RFTN2: variants seen among roughly 807,000 people sequenced by gnomAD.
RFTN2 encodes the protein raftlin-2.
Under a neutral mutation model 52.7 loss-of-function variants are expected in RFTN2, and 34 were observed. The observed-to-expected ratio is 0.64, with a 90% CI of 0.49 to 0.86. The LOEUF (loss-of-function observed/expected upper bound fraction) is 0.86, where lower values mean the gene tolerates loss of function less well. Among genes scored for constraint, RFTN2 ranks in the 40% least tolerant of loss-of-function variants. The pLI is 0.00. For missense variants in RFTN2, 536 were observed against 600.1 expected, an observed-to-expected ratio of 0.89 and a Z score of 1.12; for synonymous variants, 203 against 217.7, an observed-to-expected ratio of 0.93 and a Z score of 0.59.
intron 4 of RFTN2, 93 bp downstream of exon 4, chr2:197,633,625 A>C (rs1468403127): frequency 2.1e-6 from 2 of 933,206 alleles, no homozygotes; most frequent in South Asian, 1.7e-5. Flanking sequence ...AATCTTTAGC[A>C]ATTTACTTTG....
At chr2:197,579,431 A>G (rs1176462280) in intron 8 of RFTN2, among the ~76,000 whole-genome samples, 1 of 152,172 alleles carries the variant, frequency 6.6e-6, no homozygotes, top group African/African-American at 2.4e-5. Context: ...CACCTGACCT[A>G]AAACCTAAAC....
intron 3 of RFTN2, among the ~76,000 whole-genome samples, chr2:197,636,659 T>C (rs1394271892): frequency 1.6e-4 from 24 of 145,536 alleles, no homozygotes; most frequent in African/African-American, 5.7e-4. Context: ...TGGGGTTTTC[T>C]AGATATACAA....
intron 7 of RFTN2, among the ~76,000 whole-genome samples, chr2:197,615,611 C>T (rs2088128571): frequency 6.6e-6 from 1 of 152,190 alleles, no homozygotes; most frequent in South Asian, 2.1e-4. Flanking sequence ...CCATCCTGCT[C>T]ACTCTGGAAC....
chr2:197,602,024 C>T (rs2087888574), intron 7 of RFTN2, among the ~76,000 whole-genome samples: 2 of 151,948 alleles, frequency 1.3e-5, no homozygotes, highest in Non-Finnish European at 2.9e-5. Flanking sequence ...AAAAATGAAA[C>T]TAAAAAAAAG....
chr2:197,653,199 A>G (rs747777921), intron 1 of RFTN2, among the ~76,000 whole-genome samples: 3 of 152,262 alleles, frequency 2.0e-5, no homozygotes, highest in Non-Finnish European at 2.9e-5. Context: ...ATTGCCTAGC[A>G]GACAGATGTT....
intron 1 of RFTN2, among the ~76,000 whole-genome samples, chr2:197,669,184 T>C (rs1314766205): frequency 6.6e-6 from 1 of 152,228 alleles, no homozygotes; most frequent in Non-Finnish European, 1.5e-5. Flanking sequence ...TAGGCAGATA[T>C]ATGAAGGACC....
At chr2:197,585,378 C>T (rs1469150134) in intron 8 of RFTN2, among the ~76,000 whole-genome samples, 1 of 152,118 alleles carries the variant, frequency 6.6e-6, no homozygotes, top group Non-Finnish European at 1.5e-5. Context: ...GGTGGTTTAC[C>T]CTTTTCCTTC....
chr2:197,590,698 G>A (rs1272164359), intron 8 of RFTN2, among the ~76,000 whole-genome samples: 1 of 152,092 alleles, frequency 6.6e-6, no homozygotes, highest in African/African-American at 2.4e-5. Context: ...TGGTGGGTTC[G>A]TGGTCTCGCT....
intron 3 of RFTN2, among the ~76,000 whole-genome samples, chr2:197,641,445 C>T (rs1297086121): frequency 1.3e-5 from 2 of 152,196 alleles, no homozygotes; most frequent in African/African-American, 2.4e-5. Context: ...GCATATTCTG[C>T]AGGTAGAAAT....
Position 197,569,445 on chromosome 2 carries a change from A to G in RFTN2, c.*2563T>C, listed in dbSNP as rs2087281908. Reference sequence around the variant, plus strand: ...ATACTCTAGAACCACTTGATCATAAATTATTCGCTATCATACAAATTCATC... The same window carrying G: ...ATACTCTAGAACCACTTGATCATAAGTTATTCGCTATCATACAAATTCATC... On this transcript the variant is annotated 3_prime_UTR_variant, in exon 9 of 9. Transcript: ENST00000295049. The G allele has an allele frequency of 6.6e-6, 1 of 152,248 alleles. No individual in the cohort carries two copies. The highest frequency in any genetic ancestry group is 2.1e-4 in the South Asian group (1 of 4,838). The allele number at this position is 152,248 out of a possible 1,614,324, so 9.4% of individuals were successfully genotyped here.
rs1326189933 is a variant in RFTN2 at position 197,618,578 on chromosome 2, G to A, written c.929-657C>T. On this transcript the variant is annotated intron_variant, in intron 5 of 8. Coordinates refer to ENST00000295049, the MANE Select transcript of RFTN2 (RefSeq NM_144629.3). ...TGGGATGTGAGGAGCCCCTCTGCCT[G>A]GCTGCCCAGTCTGGAAAGTGAGGAG... is the stretch of plus-strand genomic sequence containing the variant. 8.0e-5 allele frequency among the ~76,000 whole-genome samples: 12 copies of A among 149,906 alleles called. No individual in the cohort carries two copies. In the East Asian group the frequency reaches 1.8e-3, roughly 23 times the overall value.
intron 1 of RFTN2, among the ~76,000 whole-genome samples, chr2:197,662,285 C>G (rs888275308): frequency 6.6e-6 from 1 of 151,870 alleles, no homozygotes; most frequent in Non-Finnish European, 1.5e-5. Context: ...AGTCTTTAGT[C>G]CAGTTTGAGT....
chr2:197,631,946 GT>G (rs2088475583), intron 4 of RFTN2, among the ~76,000 whole-genome samples: 1 of 152,152 alleles, frequency 6.6e-6, no homozygotes, highest in African/African-American at 2.4e-5. Flanking sequence ...GAGGTCTTTT[GT>G]GAATTATTGC....
At position 197,626,617 on chromosome 2, in the gene RFTN2, C is replaced by CTTTTTTT. The variant is rs71012985; in HGVS notation, c.928+4387_928+4393dup. ...TAAAATAAAAAAAAGGAATAATCTTCTTTTTTTTTTTTTTTTTTTTTTGAG... is the reference window on the plus strand; with the variant it reads ...TAAAATAAAAAAAAGGAATAATCTTCTTTTTTTTTTTTTTTTTTTTTTTTTTTTTGAG... On this transcript the variant is annotated intron_variant, in intron 5 of 8. Coordinates refer to ENST00000295049, the MANE Select transcript of RFTN2 (RefSeq NM_144629.3). Among the ~76,000 whole-genome samples the CTTTTTTT allele has an allele frequency of 3.5e-4, 32 of 90,956 alleles. 2 individuals carry two copies. Among genetic ancestry groups the CTTTTTTT allele is most frequent in the African/African-American group, 1.1e-3 (25 of 22,006 alleles). 59.7% of individuals were successfully genotyped at this position (90,956 alleles called of 152,430 possible). A position where few individuals can be genotyped will look rare whatever the true frequency, so the allele number is the denominator to read the frequency against.
intron 7 of RFTN2, among the ~76,000 whole-genome samples, chr2:197,614,162 G>A (rs886693898): frequency 6.6e-6 from 1 of 152,186 alleles, no homozygotes. Context: ...CATATGAAAC[G>A]TAAGCTTAAC....
chr2:197,625,458 GC>G (rs1157958907), intron 5 of RFTN2, among the ~76,000 whole-genome samples: 10 of 152,046 alleles, frequency 6.6e-5, no homozygotes, highest in Admixed American at 6.6e-4. Context: ...GTATTCAACT[GC>G]CCAGAGGTGG....
rs1000852056 is a variant in RFTN2 at position 197,568,514 on chromosome 2, A to G, written c.*3494T>C. The stretch of plus-strand genomic sequence containing the variant: ...TCAAGGGATGATAGATTACCAGCAA[A>G]TGTTATTTAAATTGATATGTTACAA... On this transcript the variant is annotated 3_prime_UTR_variant, in exon 9 of 9. Coordinates refer to ENST00000295049, the MANE Select transcript of RFTN2 (RefSeq NM_144629.3). 4.6e-5 allele frequency: 7 copies of G among 152,204 alleles called. No homozygotes were observed. Among genetic ancestry groups the G allele is most frequent in the African/African-American group, 1.7e-4 (7 of 41,444 alleles). 9.4% of individuals were successfully genotyped at this position (152,204 alleles called of 1,614,324 possible).
chr2:197,624,314 A>G (rs1309751463), intron 5 of RFTN2, among the ~76,000 whole-genome samples: 1 of 152,080 alleles, frequency 6.6e-6, no homozygotes, highest in African/African-American at 2.4e-5. Flanking sequence ...TGAAAGAAAG[A>G]GCTGGCGTGG....
At chr2:197,639,862 T>C (rs1463658555) in intron 3 of RFTN2, among the ~76,000 whole-genome samples, 1 of 145,218 alleles carries the variant, frequency 6.9e-6, no homozygotes, top group African/African-American at 2.6e-5. Flanking sequence ...TTTCCCCATC[T>C]TTGTGGTTTT....
Sources: allele counts gnomAD v4.1 joint callset (sites outside exome capture counted in the v4.1 genomes callset), GRCh38; gene constraint gnomAD v4.1.1; transcripts MANE v1.5; gene names NCBI Gene and HGNC (gene_info 2026-07-23, HGNC 2026-07-21).